Variants in ZNF669 observed in about 807,000 individuals in gnomAD.
ZNF669 encodes the protein zinc finger protein 669.
ZNF669 carries 7 observed loss-of-function variants against 11.4 expected under a neutral mutation model. The ratio of observed to expected loss-of-function variants is 0.62; its 90% CI spans 0.35 to 1.16. ZNF669 has a LOEUF of 1.16. Among genes scored for constraint, ZNF669 ranks in the 50% most tolerant of loss-of-function variants. ZNF669 has a pLI of 0.02. For missense variants in ZNF669, 492 were observed against 463.6 expected (o/e 1.06, Z -0.56); for synonymous variants, 153 against 155.8 (o/e 0.98, Z 0.13).
chr1:247,104,355 A>C lies in ZNF669; in HGVS notation c.-156T>G. On this transcript the variant is annotated 5_prime_UTR_variant, in exon 1 of 4. Transcript: ENST00000448299. ...AAGAGCCGGCTCCGGCGAAGGAGAG[A>C]CAAAGCAACCGCCAGGCAGATCCCG... 10 of 1,114,370 alleles carry C rather than the reference A, an allele frequency of 9.0e-6. No individual in the cohort carries two copies. Among genetic ancestry groups the C allele is most frequent in the Non-Finnish European group, 1.2e-5 (10 of 835,410 alleles). 69.0% of individuals were successfully genotyped at this position (1,114,370 alleles called of 1,614,324 possible). A position where few individuals can be genotyped will look rare whatever the true frequency, so the allele number is the denominator to read the frequency against.
At chr1:247,103,190 T>C (rs539097640) in intron 1 of ZNF669, among the ~76,000 whole-genome samples, 8 of 152,328 alleles carry the variant, frequency 5.3e-5, no homozygotes, top group South Asian at 4.1e-4. Flanking sequence ...CACAACACCC[T>C]GTAAAGTTTT....
In ZNF669 at chr1:247,101,338, C is replaced by A; in HGVS notation, c.192-19G>T. 6.5e-7 allele frequency: 1 copy of A among 1,532,720 alleles called. No individual in the cohort carries two copies. Among genetic ancestry groups the A allele is most frequent in the Non-Finnish European group, 8.7e-7 (1 of 1,147,864 alleles). 94.9% of individuals were successfully genotyped at this position (1,532,720 alleles called of 1,614,324 possible). On this transcript the variant is annotated intron_variant, in intron 3 of 3. Coordinates refer to ENST00000448299, the MANE Select transcript of ZNF669 (RefSeq NM_001142572.2). ...ATGATTTCTGTAAAAAAATGACAAG[C>A]ACATTATTATTGGTTGGTTTATTAA...
At chr1:247,101,407 A>G (rs1021532002) in intron 3 of ZNF669, 88 bp from the exon 4 acceptor site, 30 of 1,424,464 alleles carry the variant, frequency 2.1e-5, no homozygotes, top group Non-Finnish European at 2.4e-5. Flanking sequence ...CACTGCTACC[A>G]ATATCAGGGA....
Position 247,101,748 on chromosome 1 carries a change from T to A in ZNF669, c.174A>T (p.Lys58Asn). The change falls in exon 3 of 4, where the codon AAA becomes AAT. Residue 58 changes from lysine to asparagine, a missense_variant. Lys to Asn is a moderately conservative substitution (Grantham distance 94, BLOSUM62 0). Transcript: ENST00000448299. ...KDQNIEDHFEKPGKDIRNHIV... is the reference protein window; with the variant it reads ...KDQNIEDHFENPGKDIRNHIV... ...CAAATTACCTTATATCTTTCCCAGG[T>A]TTTTCGAAGTGATCTTCAATATTCT... The A allele has an allele frequency of 6.2e-7, 1 of 1,613,976 alleles. No homozygotes were observed. The highest frequency in any genetic ancestry group is 8.5e-7 in the Non-Finnish European group (1 of 1,179,960).
chr1:247,103,601 C>T (rs1400063344), intron 1 of ZNF669, among the ~76,000 whole-genome samples: 1 of 140,456 alleles, frequency 7.1e-6, no homozygotes, highest in East Asian at 2.1e-4. Context: ...TCATTGCACT[C>T]CAGCCTGGCG....
In ZNF669 at chr1:247,100,184, C is replaced by A. The variant is rs910261694; in HGVS notation, c.*190G>T. On this transcript the variant is annotated 3_prime_UTR_variant, in exon 4 of 4. Coordinates refer to ENST00000448299, the MANE Select transcript of ZNF669 (RefSeq NM_001142572.2). ...TATTTTTAGTAGAGACGGGGTTTCACCGTGTTGGCCAGGATGGTCTCGATC... is the reference window on the plus strand; with the variant it reads ...TATTTTTAGTAGAGACGGGGTTTCAACGTGTTGGCCAGGATGGTCTCGATC... 2.6e-5 allele frequency: 13 copies of A among 504,838 alleles called. No individual in the cohort carries two copies. The East Asian group carries it at 4.1e-4, about 16-fold the overall frequency. 31.3% of individuals were successfully genotyped at this position (504,838 alleles called of 1,614,324 possible).
rs201220685 is a variant in ZNF669, at chr1:247,104,204, C to T, written c.-5G>A. The T allele has an allele frequency of 6.6e-6, 10 of 1,514,336 alleles. No homozygotes were observed. Among genetic ancestry groups the T allele is most frequent in the Middle Eastern group, 1.8e-4 (1 of 5,608 alleles). 93.8% of individuals were successfully genotyped at this position (1,514,336 alleles called of 1,614,324 possible). On this transcript the variant is annotated 5_prime_UTR_variant, in exon 1 of 4. Coordinates refer to ENST00000448299, the MANE Select transcript of ZNF669 (RefSeq NM_001142572.2). ...CAGGCGCAGTCCACTCACCATTCCT[C>T]GGCTTCCCGGGTGTCCTGGCGTCAG... is the stretch of plus-strand genomic sequence containing the variant.
chr1:247,101,560 C>G (rs3736325), intron 3 of ZNF669, among the ~76,000 whole-genome samples, 171 bp downstream of exon 3: 65,951 of 151,970 alleles, frequency 0.43, 14,959 homozygotes, highest in African/African-American at 0.56. Flanking sequence ...CAAGTAAACT[C>G]TTTTGCAAAC....
chr1:247,104,044 C>T (rs1332795281), intron 1 of ZNF669, 153 bp downstream of exon 1: 2 of 1,583,134 alleles, frequency 1.3e-6, no homozygotes, highest in East Asian at 2.3e-5. Context: ...CCGCCCGGCC[C>T]GGCCCTGAAC....
At position 247,101,940 on chromosome 1, in the gene ZNF669, A is replaced by G. The variant is rs200238813; in HGVS notation, c.130+47T>C. ...TTCCAAATCATAAATAGCACTGATG[A>G]TAGGGAAAGACTTCTGTAATTAACT... On this transcript the variant is annotated intron_variant, in intron 2 of 3. Coordinates refer to ENST00000448299, the MANE Select transcript of ZNF669 (RefSeq NM_001142572.2). 582 of 1,613,370 alleles carry G rather than the reference A, an allele frequency of 3.6e-4. 1 individual carries two copies. The African/African-American group carries it at 6.3e-3, about 17-fold the overall frequency.
chr1:247,103,540 A>T (rs1671767297), intron 1 of ZNF669, among the ~76,000 whole-genome samples: 1 of 146,778 alleles, frequency 6.8e-6, no homozygotes. Context: ...AGGCTGAGGC[A>T]GGAGAATCGC....
Position 247,104,244 on chromosome 1 carries a change from A to C in ZNF669, c.-45T>G. 6.7e-7 allele frequency: 1 copy of C among 1,495,008 alleles called. No individual in the cohort carries two copies. The highest frequency in any genetic ancestry group is 8.9e-7 in the Non-Finnish European group (1 of 1,124,218). 92.6% of individuals were successfully genotyped at this position (1,495,008 alleles called of 1,614,324 possible). A position where few individuals can be genotyped will look rare whatever the true frequency, so the allele number is the denominator to read the frequency against. ...CCTGGCGTCAGCTAGGGATGTCCCA[A>C]TACTCGCAGGTCACAGGGTGGCAGA... On this transcript the variant is annotated 5_prime_UTR_variant, in exon 1 of 4. Coordinates refer to ENST00000448299, the MANE Select transcript of ZNF669 (RefSeq NM_001142572.2).
chr1:247,102,784 C>T (rs1363349446), intron 1 of ZNF669, among the ~76,000 whole-genome samples: 1 of 151,966 alleles, frequency 6.6e-6, no homozygotes, highest in African/African-American at 2.4e-5. Flanking sequence ...TGTGATTACA[C>T]CAAGAGAGAA....
rs542007069 is a variant in ZNF669 at position 247,104,354 on chromosome 1, G to T, written c.-155C>A. 2.0e-3 allele frequency: 2,233 copies of T among 1,126,930 alleles called. 5 individuals carry two copies. The highest frequency in any genetic ancestry group is 2.4e-3 in the Non-Finnish European group (2,014 of 846,932). The allele number at this position is 1,126,930 out of a possible 1,614,324, so 69.8% of individuals were successfully genotyped here. ...GAAGAGCCGGCTCCGGCGAAGGAGA[G>T]ACAAAGCAACCGCCAGGCAGATCCC... On this transcript the variant is annotated 5_prime_UTR_variant, in exon 1 of 4. Transcript: ENST00000448299.
rs1309836724 is a variant in ZNF669, at chr1:247,100,398, T to G, written c.1113A>C (p.Gly371=). The G allele has an allele frequency of 6.2e-7, 1 of 1,610,306 alleles. No individual in the cohort carries two copies. The highest frequency in any genetic ancestry group is 8.5e-7 in the Non-Finnish European group (1 of 1,177,804). Residue 371 remains glycine (G), a synonymous_variant, in exon 4 of 4, where the codon GGA becomes GGC. Coordinates refer to ENST00000448299, the MANE Select transcript of ZNF669 (RefSeq NM_001142572.2). The part of the protein sequence containing the change: ...SDSAYNPSTL[G]GQGVWIA ...CTCAAGCAATCCACACGCCTTGGCC[T>G]CCCAAAGTGCTGGGATTATAGGCTG...
At chr1:247,103,846 C>T (rs1253193823) in intron 1 of ZNF669, 3 of 1,429,124 alleles carry the variant, frequency 2.1e-6, no homozygotes, top group African/African-American at 2.9e-5. Context: ...CTGGAAGCCC[C>T]ATGAACCACA....
rs781749895 is a variant in ZNF669, at chr1:247,100,179, T to G, written c.*195A>C. The stretch of plus-strand genomic sequence containing the variant: ...TTTTGTATTTTTAGTAGAGACGGGG[T>G]TTCACCGTGTTGGCCAGGATGGTCT... On this transcript the variant is annotated 3_prime_UTR_variant, in exon 4 of 4. Coordinates refer to ENST00000448299, the MANE Select transcript of ZNF669 (RefSeq NM_001142572.2). The G allele has an allele frequency of 1.0e-5, 5 of 498,700 alleles. No individual in the cohort carries two copies. Among genetic ancestry groups the G allele is most frequent in the Non-Finnish European group, 1.8e-5 (5 of 284,084 alleles). The allele number at this position is 498,700 out of a possible 1,614,324, so 30.9% of individuals were successfully genotyped here. A position where few individuals can be genotyped will look rare whatever the true frequency, so the allele number is the denominator to read the frequency against.
intron 1 of ZNF669, among the ~76,000 whole-genome samples, chr1:247,102,845 T>C (rs1671750871): frequency 6.6e-6 from 1 of 152,246 alleles, no homozygotes; most frequent in African/African-American, 2.4e-5. Flanking sequence ...AATTGATATT[T>C]AACAATTTAC....
At position 247,102,094 on chromosome 1, in the gene ZNF669, T is replaced by C. The variant is rs779150496; in HGVS notation, c.23A>G (p.Asp8Gly). The change falls in exon 2 of 4, where the codon GAT becomes GGT. Residue 8 changes from aspartate (D) to glycine (G), a missense_variant. By Grantham distance (94) the Asp-to-Gly change is moderately conservative. Coordinates refer to ENST00000448299, the MANE Select transcript of ZNF669 (RefSeq NM_001142572.2). MDSVAFE[D>G]VAVNFTQEEW... ...CTCCTGGGTAAAGTTCACAGCCACATCCTCAAAAGCCACCGAGTCCTAGAA... is the reference window on the plus strand; with the variant it reads ...CTCCTGGGTAAAGTTCACAGCCACACCCTCAAAAGCCACCGAGTCCTAGAA... 13 of 1,608,564 alleles carry C rather than the reference T, an allele frequency of 8.1e-6. No homozygotes were observed. The highest frequency in any genetic ancestry group is 1.1e-5 in the Non-Finnish European group (13 of 1,177,890).
Sources: allele counts gnomAD v4.1 joint callset (sites outside exome capture counted in the v4.1 genomes callset), GRCh38; gene constraint gnomAD v4.1.1; transcripts MANE v1.5; gene names NCBI Gene and HGNC (gene_info 2026-07-23, HGNC 2026-07-21).